FRK: variants seen among roughly 807,000 people sequenced by gnomAD.
The protein encoded by FRK is fyn related Src family tyrosine kinase.
A neutral mutation model predicts 56.4 loss-of-function variants in FRK; 51 were observed. The observed-to-expected ratio is 0.90, with a 90% CI of 0.72 to 1.14. The LOEUF (loss-of-function observed/expected upper bound fraction) is 1.14. FRK is among the 50% of genes most tolerant of loss of function. FRK has a pLI of 0.00. For synonymous variants in FRK, 245 were observed against 217.9 expected (o/e 1.12, Z -1.10); for missense variants, 570 against 601.4 (o/e 0.95, Z 0.55).
chr6:115,953,138 T>TTATTAAG (rs1772837881), intron 5 of FRK, among the ~76,000 whole-genome samples: 2 of 149,756 alleles, frequency 1.3e-5, no homozygotes, highest in African/African-American at 4.9e-5. Context: ...ATAATATTTA[T>TTATTAAG]CATGATGGGC....
At chr6:116,020,480 G>A (rs1251011336) in intron 1 of FRK, among the ~76,000 whole-genome samples, 1 of 151,894 alleles carries the variant, frequency 6.6e-6, no homozygotes, top group African/African-American at 2.4e-5. Flanking sequence ...TAGTAGAGAT[G>A]GGGTTTCACC....
intron 5 of FRK, among the ~76,000 whole-genome samples, chr6:115,949,287 C>T (rs148372825): frequency 6.6e-6 from 1 of 152,096 alleles, no homozygotes; most frequent in Non-Finnish European, 1.5e-5. Flanking sequence ...CTTTCTCTTG[C>T]CTGATTGTCC....
chr6:116,030,193 G>C (rs1474885091), intron 1 of FRK, among the ~76,000 whole-genome samples: 1 of 152,004 alleles, frequency 6.6e-6, no homozygotes. Context: ...CCACAATTCA[G>C]ACCCTCTCAA....
chr6:116,068,871 T>G, the FRK span, among the ~76,000 whole-genome samples: 1 of 152,140 alleles, frequency 6.6e-6, no homozygotes, highest in South Asian at 2.1e-4. Context: ...TTTGTTTCAT[T>G]CTTTGGCACT....
chr6:115,952,296 T>G (rs1772794253), intron 5 of FRK, among the ~76,000 whole-genome samples: 2 of 152,138 alleles, frequency 1.3e-5, no homozygotes, highest in Non-Finnish European at 2.9e-5. Flanking sequence ...TCTTCCAGGG[T>G]TTTTATGGTT....
intron 1 of FRK, chr6:116,038,963 T>C (rs1776602621): frequency 4.4e-6 from 3 of 687,472 alleles, no homozygotes; most frequent in Admixed American, 3.6e-5. Context: ...ACAAAGTAAC[T>C]AACGGGGCCT....
intron 1 of FRK, among the ~76,000 whole-genome samples, chr6:116,051,309 TA>T: frequency 6.6e-6 from 1 of 152,254 alleles, no homozygotes; most frequent in East Asian, 1.9e-4. Context: ...TTAAAGGCAC[TA>T]TAAAATGCAC....
chr6:115,934,187 T>C lies in FRK; in HGVS notation c.*8227A>G, dbSNP rs1305107998. ...AATTCACCTCAGGGAATGTTCTCCT[T>C]AATGAACACCTCTCCAGCATCTCAT... is the stretch of plus-strand genomic sequence containing the variant. On this transcript the variant is annotated 3_prime_UTR_variant, in exon 8 of 8. Transcript: ENST00000606080. The C allele has an allele frequency of 6.6e-6, 1 of 152,172 alleles. No individual in the cohort carries two copies. Among genetic ancestry groups the C allele is most frequent in the Non-Finnish European group, 1.5e-5 (1 of 68,028 alleles). 9.4% of individuals were successfully genotyped at this position (152,172 alleles called of 1,614,324 possible).
At chr6:116,081,699 CAAT>C in the FRK span, among the ~76,000 whole-genome samples, 5 of 151,114 alleles carry the variant, frequency 3.3e-5, no homozygotes, top group African/African-American at 9.7e-5. Flanking sequence ...TAAAAGATAA[CAAT>C]AATAATAATA....
chr6:115,943,391 A>T (rs942486018), intron 6 of FRK, among the ~76,000 whole-genome samples: 1 of 151,890 alleles, frequency 6.6e-6, no homozygotes, highest in Non-Finnish European at 1.5e-5. Flanking sequence ...AATATTATTT[A>T]AGAGCCTACT....
At chr6:115,970,024 C>A (rs374962459) in intron 2 of FRK, among the ~76,000 whole-genome samples, 12 of 152,104 alleles carry the variant, frequency 7.9e-5, no homozygotes, top group African/African-American at 2.9e-4. Flanking sequence ...AAATATATAA[C>A]TTTATGCTTC....
intron 1 of FRK, among the ~76,000 whole-genome samples, chr6:116,010,372 T>C (rs1775417756): frequency 6.6e-6 from 1 of 152,212 alleles, no homozygotes; most frequent in South Asian, 2.1e-4. Context: ...TAGATTACTT[T>C]AAAATGTATT....
chr6:116,050,275 C>A (rs372828740), intron 1 of FRK, among the ~76,000 whole-genome samples: 1 of 152,174 alleles, frequency 6.6e-6, no homozygotes, highest in Non-Finnish European at 1.5e-5. Context: ...TCAACACCCA[C>A]AAAAACATGG....
intron 5 of FRK, among the ~76,000 whole-genome samples, chr6:115,950,948 T>A (rs1772719631): frequency 6.6e-6 from 1 of 152,094 alleles, no homozygotes; most frequent in Non-Finnish European, 1.5e-5. Context: ...ATGTTCTCAC[T>A]CATAAGTGAG....
chr6:116,054,495 A>T lies in FRK; in HGVS notation c.344+5473T>A, dbSNP rs187505288. Among the ~76,000 whole-genome samples the T allele has an allele frequency of 6.9e-4, 98 of 142,538 alleles. 1 individual carries two copies. In the East Asian group the frequency reaches 0.018, roughly 27 times the overall value. The allele number at this position is 142,538 out of a possible 152,430, so 93.5% of individuals were successfully genotyped here. A position where few individuals can be genotyped will look rare whatever the true frequency, so the allele number is the denominator to read the frequency against. On this transcript the variant is annotated intron_variant, in intron 1 of 7. Transcript: ENST00000606080. ...TATATATAATATATAATAGTATATTATACTATTATAATATTATACTATATA... is the reference window on the plus strand; with the variant it reads ...TATATATAATATATAATAGTATATTTTACTATTATAATATTATACTATATA...
intron 2 of FRK, among the ~76,000 whole-genome samples, chr6:115,992,850 A>G (rs1774669173): frequency 6.6e-6 from 1 of 151,840 alleles, no homozygotes; most frequent in Non-Finnish European, 1.5e-5. Flanking sequence ...TTTGTAAAGG[A>G]GAGCTATTGA....
intron 2 of FRK, among the ~76,000 whole-genome samples, chr6:116,002,966 C>T (rs189681202): frequency 1.3e-5 from 2 of 152,276 alleles, no homozygotes; most frequent in African/African-American, 2.4e-5. Flanking sequence ...TGCTTTCATG[C>T]GGCATCATGA....
Position 115,989,641 on chromosome 6 carries a change from G to C in FRK, c.466+14236C>G, listed in dbSNP as rs531757304. ...CATGATTTCATTCTTTCTTAGTATAGTATTCCATGGAAAATACATACCACA... is the reference window on the plus strand; with the variant it reads ...CATGATTTCATTCTTTCTTAGTATACTATTCCATGGAAAATACATACCACA... On this transcript the variant is annotated intron_variant, in intron 2 of 7. Transcript: ENST00000606080. 2.3e-3 allele frequency among the ~76,000 whole-genome samples: 345 copies of C among 151,946 alleles called. 2 individuals are homozygous for C. Among genetic ancestry groups the C allele is most frequent in the African/African-American group, 8.0e-3 (332 of 41,488 alleles).
At chr6:116,028,253 T>A (rs969176224) in intron 1 of FRK, among the ~76,000 whole-genome samples, 3 of 152,208 alleles carry the variant, frequency 2.0e-5, no homozygotes, top group Non-Finnish European at 4.4e-5. Context: ...AAAAATTTCC[T>A]ATACTAATAA....
Sources: allele counts gnomAD v4.1 joint callset (sites outside exome capture counted in the v4.1 genomes callset), GRCh38; gene constraint gnomAD v4.1.1; transcripts MANE v1.5; gene names NCBI Gene and HGNC (gene_info 2026-07-23, HGNC 2026-07-21).